CNTN5: variants seen among roughly 807,000 people sequenced by gnomAD.
CNTN5 encodes contactin-5.
Under a neutral mutation model 129.1 loss-of-function variants are expected in CNTN5, and 77 were observed. That is an observed-to-expected ratio of 0.60 (90% CI 0.50 to 0.72). The LOEUF (loss-of-function observed/expected upper bound fraction) is 0.72. Ranked by LOEUF, CNTN5 falls within the 30% of genes least tolerant of loss-of-function variation. CNTN5 has a pLI of 0.00. For missense variants in CNTN5, 1,478 were observed against 1,328.8 expected (o/e 1.11, Z -1.75); for synonymous variants, 509 against 465.6 (o/e 1.09, Z -1.20).
intron 11 of CNTN5, among the ~76,000 whole-genome samples, chr11:100,071,485 CA>C (rs901795415): frequency 6.6e-6 from 1 of 151,974 alleles, no homozygotes; most frequent in African/African-American, 2.4e-5. Context: ...AGAATAACTA[CA>C]AAAAAATTGT....
intron 3 of CNTN5, among the ~76,000 whole-genome samples, chr11:99,709,100 G>A (rs531785081): frequency 2.0e-5 from 3 of 151,858 alleles, no homozygotes; most frequent in African/African-American, 7.2e-5. Context: ...TTCTTATGTA[G>A]CTAAGCTCAT....
chr11:99,754,074 T>A (rs1184172584), intron 3 of CNTN5, among the ~76,000 whole-genome samples: 1 of 152,050 alleles, frequency 6.6e-6, no homozygotes, highest in East Asian at 1.9e-4. Context: ...TGAGGGTAAA[T>A]TCAGGGCTAT....
chr11:100,144,935 C>T (rs1045291535), intron 13 of CNTN5, among the ~76,000 whole-genome samples: 2 of 137,596 alleles, frequency 1.5e-5, no homozygotes, highest in Admixed American at 1.5e-4. Context: ...GAGATTGATG[C>T]ATACCTTCCT....
intron 15 of CNTN5, among the ~76,000 whole-genome samples, chr11:100,218,111 T>C (rs938766648): frequency 6.6e-6 from 1 of 152,196 alleles, no homozygotes; most frequent in African/African-American, 2.4e-5. Context: ...TCAATGAGCT[T>C]TGTATTTGCA....
At chr11:100,319,120 A>C (rs545007789) in intron 21 of CNTN5, among the ~76,000 whole-genome samples, 2 of 151,660 alleles carry the variant, frequency 1.3e-5, no homozygotes, top group African/African-American at 4.8e-5. Flanking sequence ...CCCCAAAAAA[A>C]CACTATCCTG....
At chr11:99,753,994 A>AT (rs1033404553) in intron 3 of CNTN5, among the ~76,000 whole-genome samples, 2 of 147,726 alleles carry the variant, frequency 1.4e-5, no homozygotes, top group African/African-American at 4.9e-5. Flanking sequence ...TGCCAAAAAA[A>AT]AAAAATAAAT....
chr11:99,453,521 A>G (rs1388673216), intron 2 of CNTN5, among the ~76,000 whole-genome samples: 1 of 152,216 alleles, frequency 6.6e-6, no homozygotes, highest in Non-Finnish European at 1.5e-5. Flanking sequence ...AGCAAAAACA[A>G]CCAAAAGATA....
chr11:100,271,094 C>T lies in CNTN5; in HGVS notation c.2167C>T (p.Pro723Ser). ...SLGWQTVKTV[P>S]EIITGDMESA... Reference sequence around the variant, plus strand: ...TGAAATTTCCTTCCTTTCTATAGTCCCAGAAATCATAACAGGGGACATGGA... The same window carrying T: ...TGAAATTTCCTTCCTTTCTATAGTCTCAGAAATCATAACAGGGGACATGGA... Residue 723 changes from proline (P) to serine (S), a missense_variant and splice_region_variant, in exon 18 of 25, where the codon CCA (proline) becomes TCA (serine). By Grantham distance (74) the Pro-to-Ser change is moderately conservative. Coordinates refer to ENST00000524871, the MANE Select transcript of CNTN5 (RefSeq NM_014361.4). The T allele has an allele frequency of 6.3e-7, 1 of 1,597,106 alleles. No individual in the cohort carries two copies. Among genetic ancestry groups the T allele is most frequent in the Non-Finnish European group, 8.5e-7 (1 of 1,174,548 alleles).
At chr11:99,758,657 G>T (rs1286330829) in intron 3 of CNTN5, among the ~76,000 whole-genome samples, 1 of 151,914 alleles carries the variant, frequency 6.6e-6, no homozygotes, top group African/African-American at 2.4e-5. Context: ...AAAAGAGAAG[G>T]GCTTCAGGGC....
At chr11:99,831,060 C>T (rs1370479450) in intron 4 of CNTN5, among the ~76,000 whole-genome samples, 1 of 151,994 alleles carries the variant, frequency 6.6e-6, no homozygotes, top group Non-Finnish European at 1.5e-5. Context: ...AACAAGATGA[C>T]CTATTGGTTT....
chr11:99,233,245 C>G (rs1297274381), intron 1 of CNTN5, among the ~76,000 whole-genome samples: 2 of 152,146 alleles, frequency 1.3e-5, no homozygotes, highest in African/African-American at 4.8e-5. Context: ...TCACTTGGTG[C>G]TAAGGAATAA....
At chr11:100,039,633 C>G (rs961907205) in intron 9 of CNTN5, among the ~76,000 whole-genome samples, 2 of 152,198 alleles carry the variant, frequency 1.3e-5, no homozygotes, top group Non-Finnish European at 2.9e-5. Flanking sequence ...GGTCTTTTCA[C>G]ATAGTCCCAT....
chr11:99,777,479 A>G (rs1464547591), intron 3 of CNTN5, among the ~76,000 whole-genome samples: 1 of 152,054 alleles, frequency 6.6e-6, no homozygotes, highest in South Asian at 2.1e-4. Flanking sequence ...CTCAATTTCA[A>G]AAATAACATG....
intron 1 of CNTN5, among the ~76,000 whole-genome samples, chr11:99,123,332 A>T (rs911952500): frequency 3.3e-5 from 5 of 151,932 alleles, no homozygotes; most frequent in African/African-American, 1.2e-4. Context: ...CTTGATGGCC[A>T]CATGTATGTC....
rs878902661 is a variant in CNTN5 at position 100,238,534 on chromosome 11, A to AGAG, written c.2005+13736_2005+13738dup. Among the ~76,000 whole-genome samples the AGAG allele has an allele frequency of 2.7e-5, 4 of 145,962 alleles. No individual in the cohort carries two copies. In the South Asian group the frequency reaches 7.1e-4, roughly 26 times the overall value. ...AGGGGGAAGAGGAGGAGGGGGTAGA[A>AGAG]GAGGAGGAGGAGGAGGGGGAAGAAG... On this transcript the variant is annotated intron_variant, in intron 16 of 24. Transcript: ENST00000524871.
intron 8 of CNTN5, among the ~76,000 whole-genome samples, chr11:99,972,188 G>A (rs1951280918): frequency 6.6e-6 from 1 of 151,824 alleles, no homozygotes; most frequent in Non-Finnish European, 1.5e-5. Flanking sequence ...GTGAACCCGG[G>A]AGGCGGAGCT....
rs546996668 is a variant in CNTN5 at position 99,319,114 on chromosome 11, T to C, written c.-209-6232T>C. Among the ~76,000 whole-genome samples, 3 of 152,254 alleles carry C rather than the reference T, an allele frequency of 2.0e-5. No individual in the cohort carries two copies. In the East Asian group the frequency reaches 5.8e-4, roughly 29 times the overall value. On this transcript the variant is annotated intron_variant, in intron 1 of 24. Transcript: ENST00000524871. Reference sequence around the variant, plus strand: ...AAAAGCAAAACAAAACAAAAAACTATCTTGACATCAGTAGCACTGGGTTGA... The same window carrying C: ...AAAAGCAAAACAAAACAAAAAACTACCTTGACATCAGTAGCACTGGGTTGA...
intron 3 of CNTN5, among the ~76,000 whole-genome samples, chr11:99,560,657 G>A (rs1018677611): frequency 3.3e-5 from 5 of 152,254 alleles, no homozygotes; most frequent in Admixed American, 6.5e-5. Flanking sequence ...AATAACTTCA[G>A]AAATGAGTCT....
chr11:99,518,696 G>A (rs1047831851), intron 2 of CNTN5, among the ~76,000 whole-genome samples: 1 of 152,012 alleles, frequency 6.6e-6, no homozygotes, highest in Non-Finnish European at 1.5e-5. Flanking sequence ...TAAATGACAA[G>A]ATCTTCCATT....
Sources: gnomAD v4.1 joint callset for allele counts (sites outside exome capture counted in the v4.1 genomes callset) on GRCh38, gnomAD v4.1.1 for gene constraint, MANE v1.5 for transcripts, NCBI Gene and HGNC (gene_info 2026-07-23, HGNC 2026-07-21) for gene names.